Variants in SPSB3 observed in about 807,000 individuals in gnomAD.
SPSB3 encodes splA/ryanodine receptor domain and SOCS box containing 3, also known as SPRY domain-containing SOCS box protein 3.
In SPSB3, 18 loss-of-function variants were observed where a neutral mutation model predicts 29.5. The ratio of observed to expected loss-of-function variants is 0.61; its 90% confidence interval spans 0.42 to 0.91. The LOEUF is 0.91. Among genes scored for constraint, SPSB3 ranks in the 40% least tolerant of loss-of-function variants. The probability of loss-of-function intolerance (pLI) is 0.00; values close to 1 mark genes in which losing one functional copy is unlikely to be tolerated. For missense variants in SPSB3, 540 were observed against 507.5 expected (o/e 1.06, Z -0.61); for synonymous variants, 299 against 214.1 (o/e 1.40, Z -3.46).
rs13889 is a variant in SPSB3 at position 1,777,001 on chromosome 16, C to T, written c.*96G>A. On this transcript the variant is annotated 3_prime_UTR_variant, in exon 7 of 7. Transcript: ENST00000566339. ...CCTCCGGACGGGCCTCATCCAACTC[C>T]GCCCTGGAGTGTGGCTGGAAGGAAG... The T allele has an allele frequency of 0.043, 61,529 of 1,418,554 alleles. 1,580 individuals are homozygous for T. The highest frequency in any genetic ancestry group is 0.052 in the Non-Finnish European group (54,636 of 1,046,078). The allele number at this position is 1,418,554 out of a possible 1,614,324, so 87.9% of individuals were successfully genotyped here.
chr16:1,782,338 G>C (rs1896752099), intron 1 of SPSB3, 164 bp downstream of exon 1: 1 of 151,762 alleles, frequency 6.6e-6, no homozygotes, highest in African/African-American at 2.4e-5. Context: ...TCCCTCCCGC[G>C]GGCGCGCGGG....
rs747138712 is a variant in SPSB3 at position 1,777,130 on chromosome 16, C to T, written c.1035G>A (p.Arg345=). 5 of 1,611,596 alleles carry T rather than the reference C, an allele frequency of 3.1e-6. No homozygotes were observed. In the East Asian group the frequency reaches 8.9e-5, roughly 29 times the overall value. The change falls in exon 7 of 7, where the codon CGG becomes CGA. Residue 345 remains arginine (R), a synonymous_variant. Coordinates refer to ENST00000566339, the MANE Select transcript of SPSB3 (RefSeq NM_080861.4). The part of the protein sequence containing the change: ...TSAHPSSREP[R]PCQRKRCRRT ...GGCGGCAGCGCTTCCTCTGGCAGGG[C>T]CGAGGCTCGCGACTGCTGGGGTGGG...
chr16:1,778,175 A>T lies in SPSB3; in HGVS notation c.451T>A (p.Trp151Arg). Residue 151 changes from tryptophan (W) to arginine (R), a missense_variant, in exon 4 of 7, where the codon TGG becomes AGG. Physicochemically the swap from Trp to Arg is moderately radical, Grantham distance 101. Coordinates refer to ENST00000566339, the MANE Select transcript of SPSB3 (RefSeq NM_080861.4). The part of the protein sequence containing the change: ...TKELGEGQHF[W>R]EIKMTSPVYG... The stretch of plus-strand genomic sequence containing the variant: ...ACGGGAGAGGTCATCTTGATCTCCC[A>T]GAAGTGCTGGCCCTCCCCCAGCTCC... 1 of 1,612,998 alleles carries T rather than the reference A, an allele frequency of 6.2e-7. No homozygotes were observed. The highest frequency in any genetic ancestry group is 8.5e-7 in the Non-Finnish European group (1 of 1,179,924).
intron 6 of SPSB3, 135 bp downstream of exon 6, chr16:1,777,612 C>T: frequency 1.4e-6 from 2 of 1,449,206 alleles, no homozygotes; most frequent in South Asian, 2.6e-5. Context: ...ACTGTCCCAC[C>T]CCCTGGGACC....
chr16:1,781,328 GC>G lies in SPSB3; in HGVS notation c.126+29del, dbSNP rs758961520. 8 of 1,612,864 alleles carry G rather than the reference GC, an allele frequency of 5.0e-6. No homozygotes were observed. The East Asian group carries it at 1.8e-4, about 36-fold the overall frequency. ...TAGGGCATCTCCACACCTTAGGCCA[GC>G]CACGTCCGCCTCGCCCGCTGGAACC... On this transcript the variant is annotated intron_variant, in intron 2 of 6. Transcript: ENST00000566339.
At position 1,777,072 on chromosome 16, in the gene SPSB3, G is replaced by A. The variant is rs773395386; in HGVS notation, c.*25C>T. 4 of 1,603,846 alleles carry A rather than the reference G, an allele frequency of 2.5e-6. No homozygotes were observed. The African/African-American group carries it at 4.0e-5, about 16-fold the overall frequency. On this transcript the variant is annotated 3_prime_UTR_variant, in exon 7 of 7. Coordinates refer to ENST00000566339, the MANE Select transcript of SPSB3 (RefSeq NM_080861.4). Reference sequence around the variant, plus strand: ...GAGGAAAGGGGCTGTCCCAGCCCAAGAAGGCAGTTCCACTGGGAAGTCAGT... The same window carrying A: ...GAGGAAAGGGGCTGTCCCAGCCCAAAAAGGCAGTTCCACTGGGAAGTCAGT...
rs748524574 is a variant in SPSB3 at position 1,778,523 on chromosome 16, G to A, written c.216C>T (p.Asp72=). ...AGGAGGCCTCGCTCTGCCCAGCACA[G>A]TCACAGAAGGACTCGCCGGTCACGG... ...AVPVTGESFC[D]CAGQSEASFC... Residue 72 remains aspartate (D), a synonymous_variant, in exon 3 of 7, where the codon GAC becomes GAT. Coordinates refer to ENST00000566339, the MANE Select transcript of SPSB3 (RefSeq NM_080861.4). 5.0e-6 allele frequency: 8 copies of A among 1,611,308 alleles called. No individual in the cohort carries two copies. The highest frequency in any genetic ancestry group is 5.9e-6 in the Non-Finnish European group (7 of 1,178,958).
rs1252602788 is a variant in SPSB3 at position 1,778,476 on chromosome 16, G to C, written c.263C>G (p.Ala88Gly). The change falls in exon 3 of 7, where the codon GCC (alanine) becomes GGC (glycine). Residue 88 changes from alanine (A) to glycine (G), a missense_variant. Coordinates refer to ENST00000566339, the MANE Select transcript of SPSB3 (RefSeq NM_080861.4). ...GCAGCGGCAGTCCCTGCCCCGGTGG[G>C]CCGAGTGCAGGCTGCTACAGAAGGA... ...EASFCSSLHSAHRGRDCRCGE... is the reference protein window; with the variant it reads ...EASFCSSLHSGHRGRDCRCGE... 20 of 1,611,432 alleles carry C rather than the reference G, an allele frequency of 1.2e-5. No homozygotes were observed. Among genetic ancestry groups the C allele is most frequent in the Non-Finnish European group, 1.5e-5 (18 of 1,179,398 alleles).
In SPSB3 at chr16:1,781,341, C is replaced by A; in HGVS notation, c.126+17G>T. 6.2e-7 allele frequency: 1 copy of A among 1,612,916 alleles called. No individual in the cohort carries two copies. Among genetic ancestry groups the A allele is most frequent in the Non-Finnish European group, 8.5e-7 (1 of 1,180,000 alleles). ...CACCTTAGGCCAGCCACGTCCGCCT[C>A]GCCCGCTGGAACCTACCTGCCCATC... On this transcript the variant is annotated intron_variant, in intron 2 of 6. Transcript: ENST00000566339.
intron 2 of SPSB3, 144 bp downstream of exon 2, chr16:1,781,214 A>G (rs1410442499): frequency 2.5e-6 from 4 of 1,572,850 alleles, no homozygotes; most frequent in South Asian, 1.1e-5. Flanking sequence ...CATCCAGGAG[A>G]CAGGCCCAGG....
At chr16:1,781,005 T>G (rs1896686770) in intron 2 of SPSB3, 4 of 472,060 alleles carry the variant, frequency 8.5e-6, no homozygotes, top group South Asian at 6.0e-5. Context: ...AGTGCTAGGA[T>G]TATAGGTGTG....
At chr16:1,778,833 G>T in intron 2 of SPSB3, 1 of 482,322 alleles carries the variant, frequency 2.1e-6, no homozygotes, top group Non-Finnish European at 3.6e-6. Context: ...TGGAGGCCCA[G>T]CCACAGAGCA....
Position 1,777,294 on chromosome 16 carries a change from C to G in SPSB3, c.871G>C (p.Asp291His), listed in dbSNP as rs748063814. The change falls in exon 7 of 7, where the codon GAC becomes CAC. Residue 291 changes from aspartate (D) to histidine (H), a missense_variant. Transcript: ENST00000566339. ...AGACCCTCCAGCGTGTCTCCCGAGT[C>G]TGGCCGCAGCTGGCGCAGGCGGTGG... Reference protein sequence around the residue: ...CCHRLRQLRPDSGDTLEGLPL... With the variant: ...CCHRLRQLRPHSGDTLEGLPL... 7 of 1,610,104 alleles carry G rather than the reference C, an allele frequency of 4.3e-6. No individual in the cohort carries two copies. In the South Asian group the frequency reaches 7.7e-5, roughly 18 times the overall value.
intron 3 of SPSB3, 43 bp downstream of exon 3, chr16:1,778,392 C>T (rs371769096): frequency 5.6e-6 from 9 of 1,606,624 alleles, no homozygotes; most frequent in East Asian, 2.2e-5. Flanking sequence ...CCCCCAGGCC[C>T]GCCCGCAGTG....
At chr16:1,777,685 CGGGGT>C in intron 6 of SPSB3, 57 bp downstream of exon 6, 3 of 1,594,880 alleles carry the variant, frequency 1.9e-6, no homozygotes, top group Non-Finnish European at 2.6e-6. Context: ...TGGGCTGGGG[CGGGGT>C]GGCTGCCTCC....
rs1034523003 is a variant in SPSB3 at position 1,776,847 on chromosome 16, T to G, written c.*250A>C. The G allele has an allele frequency of 1.9e-6, 1 of 540,410 alleles. No individual in the cohort carries two copies. Among genetic ancestry groups the G allele is most frequent in the South Asian group, 2.6e-5 (1 of 38,504 alleles). The allele number at this position is 540,410 out of a possible 1,614,324, so 33.5% of individuals were successfully genotyped here. On this transcript the variant is annotated 3_prime_UTR_variant, in exon 7 of 7. Transcript: ENST00000566339. ...ACAGCAACGCGGGCTCCAGCCAGGCTCTCGTCCTCGCAGCCTCCCACAAGA... is the reference window on the plus strand; with the variant it reads ...ACAGCAACGCGGGCTCCAGCCAGGCGCTCGTCCTCGCAGCCTCCCACAAGA...
chr16:1,778,585 A>C lies in SPSB3; in HGVS notation c.154T>G (p.Tyr52Asp). The change falls in exon 3 of 7, where the codon TAC (tyrosine) becomes GAC (aspartate). Residue 52 changes from tyrosine to aspartate, a missense_variant. By Grantham distance (160) the Tyr-to-Asp change is radical. Coordinates refer to ENST00000566339, the MANE Select transcript of SPSB3 (RefSeq NM_080861.4). ...GGGATGGATGGCGGCAGCGTGGAGT[A>C]CTCGGGGTCGGAGTCCGAGTCGCTG... ...QHSDSDSDPE[Y>D]STLPPSIPSA... 1.3e-6 allele frequency: 2 copies of C among 1,582,244 alleles called. No individual in the cohort carries two copies.
At chr16:1,779,096 T>G in intron 2 of SPSB3, 1 of 155,550 alleles carries the variant, frequency 6.4e-6, no homozygotes, top group Non-Finnish European at 1.4e-5. Flanking sequence ...AGGGTCCTAC[T>G]GCCCAGTGCC....
At chr16:1,782,085 C>G (rs1344896093) in intron 1 of SPSB3, 1 of 156,032 alleles carries the variant, frequency 6.4e-6, no homozygotes, top group Non-Finnish European at 1.4e-5. Flanking sequence ...CTGCGAGGGC[C>G]AGGTCTGCGC....
Sources: allele counts gnomAD v4.1 joint callset, GRCh38; gene constraint gnomAD v4.1.1; transcripts MANE v1.5; gene names NCBI Gene and HGNC (gene_info 2026-07-23, HGNC 2026-07-21).